Variants in ZFAND6 observed in about 807,000 individuals in gnomAD.
The protein encoded by ZFAND6 is zinc finger AN1-type containing 6.
Under a neutral mutation model 24.5 loss-of-function variants are expected in ZFAND6, and 12 were observed. The ratio of observed to expected loss-of-function variants is 0.49; its 90% CI spans 0.31 to 0.79. The LOEUF (loss-of-function observed/expected upper bound fraction) is 0.79, where lower values mean the gene tolerates loss of function less well. Among genes scored for constraint, ZFAND6 ranks in the 30% least tolerant of loss-of-function variants. The pLI, the probability that ZFAND6 is intolerant of heterozygous loss-of-function variation, is 0.04. For missense variants in ZFAND6, 207 were observed against 245.9 expected (o/e 0.84, Z 1.06); for synonymous variants, 92 against 81.5 (o/e 1.13, Z -0.69).
At position 80,086,691 on chromosome 15, in the gene ZFAND6, CTG is replaced by C. The variant is rs200830588; in HGVS notation, c.-180-11723_-180-11722del. 9.1e-3 allele frequency among the ~76,000 whole-genome samples: 1,388 copies of C among 152,316 alleles called. 26 individuals carry two copies. The highest frequency in any genetic ancestry group is 0.032 in the African/African-American group (1,318 of 41,562). ...ATATACATAAAATTTACCATTTAAA[CTG>C]TTTTTAAATAGACCATTCAGTACCA... On this transcript the variant is annotated intron_variant, in intron 1 of 6. Transcript: ENST00000261749.
intron 1 of ZFAND6, among the ~76,000 whole-genome samples, chr15:80,081,199 C>T (rs1033925743): frequency 2.6e-5 from 4 of 152,180 alleles, no homozygotes; most frequent in African/African-American, 9.6e-5. Flanking sequence ...ACATTGATTG[C>T]CTAAAATAAT....
At chr15:80,111,749 T>C (rs987099290) in intron 2 of ZFAND6, among the ~76,000 whole-genome samples, 4 of 152,226 alleles carry the variant, frequency 2.6e-5, no homozygotes, top group African/African-American at 9.6e-5. Context: ...ACTAAACGTG[T>C]ATTTTTTCTT....
At chr15:80,063,558 AT>A (rs34010352) in intron 1 of ZFAND6, among the ~76,000 whole-genome samples, 2,858 of 139,510 alleles carry the variant, frequency 0.02, 72 homozygotes, top group African/African-American at 0.064. Flanking sequence ...CGCCCAGCTA[AT>A]TTTTTTTTTT....
chr15:80,113,239 G>C (rs1188547686), intron 2 of ZFAND6, among the ~76,000 whole-genome samples: 1 of 152,196 alleles, frequency 6.6e-6, no homozygotes, highest in Non-Finnish European at 1.5e-5. Context: ...GCCCAGTAGG[G>C]CCCTAGCTGA....
At chr15:80,137,440 T>C (rs1203586799) in intron 6 of ZFAND6, 40 bp from the exon 7 acceptor site, 3 of 1,572,244 alleles carry the variant, frequency 1.9e-6, no homozygotes, top group Non-Finnish European at 2.6e-6. Flanking sequence ...CCTTAATATT[T>C]CATCCTTCAA....
chr15:80,127,438 CTT>C (rs1239528759), intron 5 of ZFAND6, among the ~76,000 whole-genome samples: 1 of 151,668 alleles, frequency 6.6e-6, no homozygotes, highest in Non-Finnish European at 1.5e-5. Context: ...AAATATGAAA[CTT>C]AGCTGGCTGT....
intron 5 of ZFAND6, among the ~76,000 whole-genome samples, chr15:80,124,432 C>T (rs530723208): frequency 2.3e-4 from 24 of 105,294 alleles, no homozygotes; most frequent in African/African-American, 8.6e-4. Context: ...GACTCCGTCT[C>T]AAAAAAAAAA....
intron 6 of ZFAND6, among the ~76,000 whole-genome samples, chr15:80,134,648 A>G (rs1032974095): frequency 6.6e-6 from 1 of 152,222 alleles, no homozygotes; most frequent in Non-Finnish European, 1.5e-5. Context: ...GGATATGGCA[A>G]GAAAGGTTGG....
Position 80,122,788 on chromosome 15 carries a change from G to C in ZFAND6, c.352G>C (p.Glu118Gln). 1 of 1,612,246 alleles carries C rather than the reference G, an allele frequency of 6.2e-7. No individual in the cohort carries two copies. Among genetic ancestry groups the C allele is most frequent in the Non-Finnish European group, 8.5e-7 (1 of 1,178,534 alleles). The change falls in exon 5 of 7, where the codon GAA (glutamate) becomes CAA (glutamine). Residue 118 changes from glutamate to glutamine, a missense_variant. Physicochemically the swap from Glu to Gln is conservative, Grantham distance 29. Coordinates refer to ENST00000261749, the MANE Select transcript of ZFAND6 (RefSeq NM_019006.4). ...TGTGGACAAAGCAGTACCTGAAACAGAAGATGTGCAGGGTTTGTATATGAA... is the reference window on the plus strand; with the variant it reads ...TGTGGACAAAGCAGTACCTGAAACACAAGATGTGCAGGGTTTGTATATGAA... ...TSVDKAVPET[E>Q]DVQASVSDTA...
chr15:80,082,501 A>C (rs565024569), intron 1 of ZFAND6, among the ~76,000 whole-genome samples: 1 of 152,262 alleles, frequency 6.6e-6, no homozygotes, highest in African/African-American at 2.4e-5. Context: ...TTAGAGAGGG[A>C]AGGTTTACTT....
At chr15:80,132,562 G>A (rs1396502694) in intron 6 of ZFAND6, among the ~76,000 whole-genome samples, 1 of 152,132 alleles carries the variant, frequency 6.6e-6, no homozygotes, top group African/African-American at 2.4e-5. Flanking sequence ...AGTGAGTTCA[G>A]GTGCTGCAAG....
At chr15:80,099,558 G>T (rs1309262946) in intron 2 of ZFAND6, among the ~76,000 whole-genome samples, 1 of 147,576 alleles carries the variant, frequency 6.8e-6, no homozygotes, top group Admixed American at 6.8e-5. Flanking sequence ...ACTATCTTTA[G>T]AATCAGTGAA....
At chr15:80,121,678 A>G (rs779807003) in intron 3 of ZFAND6, 34 bp from the exon 4 acceptor site, 7 of 1,552,526 alleles carry the variant, frequency 4.5e-6, no homozygotes, top group South Asian at 3.3e-5. Flanking sequence ...CTGAGCATAT[A>G]GAATCACTAA....
chr15:80,066,457 C>T (rs1273093444), intron 1 of ZFAND6, among the ~76,000 whole-genome samples: 1 of 151,970 alleles, frequency 6.6e-6, no homozygotes, highest in Non-Finnish European at 1.5e-5. Flanking sequence ...AGATTACAGG[C>T]ATGCGCCACC....
At chr15:80,068,850 A>G (rs1484903134) in intron 1 of ZFAND6, among the ~76,000 whole-genome samples, 3 of 152,256 alleles carry the variant, frequency 2.0e-5, no homozygotes, top group Admixed American at 1.3e-4. Context: ...TGACTCGACC[A>G]TAAGTTTGTA....
At chr15:80,081,399 G>C (rs1173148017) in intron 1 of ZFAND6, among the ~76,000 whole-genome samples, 1 of 152,152 alleles carries the variant, frequency 6.6e-6, no homozygotes, top group Non-Finnish European at 1.5e-5. Flanking sequence ...AAAGACTTTA[G>C]ACAAATTTAA....
chr15:80,102,709 G>A (rs778394659), intron 2 of ZFAND6, among the ~76,000 whole-genome samples: 3 of 152,158 alleles, frequency 2.0e-5, no homozygotes, highest in Non-Finnish European at 2.9e-5. Flanking sequence ...TCCACTAAAG[G>A]TTAAAAGTAG....
intron 2 of ZFAND6, among the ~76,000 whole-genome samples, chr15:80,102,644 A>G (rs757308608): frequency 1.2e-3 from 183 of 152,196 alleles, no homozygotes; most frequent in Non-Finnish European, 1.4e-3. Context: ...TTCAGGAAGG[A>G]CTAGGTTTCA....
chr15:80,071,401 A>G (rs2036970686), intron 1 of ZFAND6, among the ~76,000 whole-genome samples: 1 of 152,204 alleles, frequency 6.6e-6, no homozygotes, highest in African/African-American at 2.4e-5. Context: ...GGTAGAGGTA[A>G]AAACTATACT....
Sources: allele counts gnomAD v4.1 joint callset (sites outside exome capture counted in the v4.1 genomes callset), GRCh38; gene constraint gnomAD v4.1.1; transcripts MANE v1.5; gene names NCBI Gene and HGNC (gene_info 2026-07-23, HGNC 2026-07-21).